Variants in DENND5B observed in about 807,000 individuals in gnomAD.
DENND5B encodes the protein DENN domain-containing protein 5B.
In DENND5B, 34 loss-of-function variants were observed where a neutral mutation model predicts 140.6. The observed-to-expected ratio is 0.24, with a 90% confidence interval of 0.18 to 0.32. DENND5B has a LOEUF of 0.32. Among genes scored for constraint, DENND5B ranks in the 10% least tolerant of loss-of-function variants. The pLI, the probability that DENND5B is intolerant of heterozygous loss-of-function variation, is 1.00. For synonymous variants in DENND5B, 551 were observed against 562.1 expected (o/e 0.98, Z 0.28); for missense variants, 1,142 against 1,560.2 (o/e 0.73, Z 4.52).
At chr12:31,389,635 T>TGA in intron 19 of DENND5B, 137 bp from the exon 20 acceptor site, 1 of 783,728 alleles carries the variant, frequency 1.3e-6, no homozygotes, top group African/African-American at 1.7e-5. Flanking sequence ...CATTACTTTA[T>TGA]CATTGATTTT....
intron 1 of DENND5B, among the ~76,000 whole-genome samples, chr12:31,559,854 G>C (rs977142156): frequency 6.6e-6 from 1 of 151,894 alleles, no homozygotes; most frequent in East Asian, 1.9e-4. Flanking sequence ...ATTTTACAAC[G>C]GAAGGAAAAA....
At position 31,390,437 on chromosome 12, in the gene DENND5B, G is replaced by A. The variant is rs888785751; in HGVS notation, c.3467-939C>T. On this transcript the variant is annotated intron_variant, in intron 19 of 20. Coordinates refer to ENST00000389082, the MANE Select transcript of DENND5B (RefSeq NM_144973.4). ...GCAGATCACCTGAGTTCGGGAGTTC[G>A]AGACCAGCCTAGCCAGCATGGTGAA... is the stretch of plus-strand genomic sequence containing the variant. Among the ~76,000 whole-genome samples the A allele has an allele frequency of 3.9e-5, 6 of 151,932 alleles. No homozygotes were observed. In the East Asian group the frequency reaches 1.2e-3, roughly 29 times the overall value.
At chr12:31,394,914 T>G (rs1309187762) in intron 17 of DENND5B, among the ~76,000 whole-genome samples, 3 of 152,046 alleles carry the variant, frequency 2.0e-5, no homozygotes, top group Non-Finnish European at 4.4e-5. Flanking sequence ...GCCCGGCCTA[T>G]CCTGTGCTCT....
intron 1 of DENND5B, chr12:31,500,583 G>C: frequency 3.4e-6 from 1 of 295,312 alleles, no homozygotes. Flanking sequence ...AGGAAGGCCA[G>C]GCAGGAGAAT....
chr12:31,556,902 G>C (rs528638776), intron 1 of DENND5B, among the ~76,000 whole-genome samples: 2 of 152,178 alleles, frequency 1.3e-5, no homozygotes, highest in African/African-American at 4.8e-5. Context: ...TGACTTGAAG[G>C]AATCATTAAA....
chr12:31,436,815 G>GT (rs1222435817), intron 7 of DENND5B, among the ~76,000 whole-genome samples: 2 of 151,942 alleles, frequency 1.3e-5, no homozygotes, highest in African/African-American at 4.8e-5. Flanking sequence ...GATTACAGAC[G>GT]TGAGTCACTG....
chr12:31,548,336 G>A (rs576772122), intron 1 of DENND5B, among the ~76,000 whole-genome samples: 2 of 151,764 alleles, frequency 1.3e-5, no homozygotes, highest in East Asian at 1.9e-4. Context: ...CAAGGCTGCC[G>A]TGAGCTGTGA....
intron 1 of DENND5B, among the ~76,000 whole-genome samples, chr12:31,573,584 A>T (rs1949897531): frequency 6.6e-6 from 1 of 152,252 alleles, no homozygotes; most frequent in African/African-American, 2.4e-5. Context: ...TCCAGGGAAA[A>T]GTGAATGTAA....
At chr12:31,543,459 T>G (rs761648319) in intron 1 of DENND5B, among the ~76,000 whole-genome samples, 1 of 152,174 alleles carries the variant, frequency 6.6e-6, no homozygotes, top group Non-Finnish European at 1.5e-5. Flanking sequence ...GTAAGTGACT[T>G]ATAAAATTTT....
At chr12:31,431,397 G>C (rs550506199) in intron 8 of DENND5B, among the ~76,000 whole-genome samples, 2 of 152,294 alleles carry the variant, frequency 1.3e-5, no homozygotes, top group Admixed American at 1.3e-4. Flanking sequence ...ACAGTGGTTA[G>C]TGCAAGCTGG....
chr12:31,414,684 G>C lies in DENND5B; in HGVS notation c.2552+683C>G, dbSNP rs142403783. 4.8e-3 allele frequency among the ~76,000 whole-genome samples: 725 copies of C among 152,108 alleles called. 8 individuals are homozygous for C. Among genetic ancestry groups the C allele is most frequent in the South Asian group, 0.03 (143 of 4,802 alleles). On this transcript the variant is annotated intron_variant, in intron 12 of 20. Transcript: ENST00000389082. ...ACAGTGGCTCGCGCCTGTAATCCCA[G>C]CACTTTGGACGGCTGAGGCAGGTGG...
chr12:31,404,084 G>C (rs1262984992), intron 14 of DENND5B, among the ~76,000 whole-genome samples: 1 of 151,478 alleles, frequency 6.6e-6, no homozygotes, highest in Middle Eastern at 3.2e-3. Context: ...AATTAGCCAG[G>C]TCTGGTGGTA....
At chr12:31,456,752 G>A (rs901316108) in intron 4 of DENND5B, among the ~76,000 whole-genome samples, 1 of 152,166 alleles carries the variant, frequency 6.6e-6, no homozygotes, top group South Asian at 2.1e-4. Flanking sequence ...CTGAAGTTAA[G>A]CCAGCTTGAG....
At chr12:31,522,255 A>G (rs899346123) in intron 1 of DENND5B, among the ~76,000 whole-genome samples, 1 of 152,196 alleles carries the variant, frequency 6.6e-6, no homozygotes, top group African/African-American at 2.4e-5. Context: ...GCAGTAGAAA[A>G]GGCTAAGCTG....
At chr12:31,467,653 A>C (rs1945339573) in intron 3 of DENND5B, among the ~76,000 whole-genome samples, 2 of 152,148 alleles carry the variant, frequency 1.3e-5, no homozygotes, top group Non-Finnish European at 2.9e-5. Flanking sequence ...CTATGAGTAA[A>C]TTTAAACAAA....
chr12:31,588,085 C>T (rs1950460479), intron 1 of DENND5B, among the ~76,000 whole-genome samples: 1 of 152,134 alleles, frequency 6.6e-6, no homozygotes, highest in Non-Finnish European at 1.5e-5. Flanking sequence ...ACTACTCTCC[C>T]TCTCCCTCAG....
intron 8 of DENND5B, chr12:31,432,279 A>C: frequency 1.0e-5 from 2 of 195,506 alleles, no homozygotes; most frequent in Non-Finnish European, 1.9e-5. Context: ...AAGAAAATAC[A>C]GTAGCCGGAA....
At chr12:31,500,423 T>C (rs1946957287) in intron 1 of DENND5B, 1 of 451,914 alleles carries the variant, frequency 2.2e-6, no homozygotes, top group Non-Finnish European at 4.4e-6. Context: ...CTCACAACTG[T>C]AATCTCAGCA....
At chr12:31,423,557 A>G (rs759408177) in intron 11 of DENND5B, 40 bp downstream of exon 11, 4 of 1,598,714 alleles carry the variant, frequency 2.5e-6, no homozygotes, top group Middle Eastern at 3.3e-4. Flanking sequence ...GAGTCTTCTC[A>G]GAGTCCAGTG....
Sources: allele counts gnomAD v4.1 joint callset (sites outside exome capture counted in the v4.1 genomes callset), GRCh38; gene constraint gnomAD v4.1.1; transcripts MANE v1.5; gene names NCBI Gene and HGNC (gene_info 2026-07-23, HGNC 2026-07-21).